DCTN5: variants seen among roughly 807,000 people sequenced by gnomAD.
The protein encoded by DCTN5 is dynactin subunit 5, also known as dynactin 4.
DCTN5 carries 14 observed loss-of-function variants against 23.5 expected under a neutral mutation model. The ratio of observed to expected loss-of-function variants is 0.60; its 90% CI spans 0.39 to 0.93. DCTN5 has a LOEUF of 0.93. DCTN5 is among the 40% of genes least tolerant of loss of function. DCTN5 has a pLI of 0.00. For synonymous variants in DCTN5, 67 were observed against 79.6 expected, an observed-to-expected ratio of 0.84 and a Z score of 0.84; for missense variants, 156 against 225.9, an observed-to-expected ratio of 0.69 and a Z score of 1.98.
rs111979266 is a variant in DCTN5, at chr16:23,676,193, G to GA, written c.*9063dup. ...CTGAATTGATGCCTCAGGTCAGGTT[G>GA]AAAAAAAAAAAAAAGGTTCAGACAG... is the stretch of plus-strand genomic sequence containing the variant. On this transcript the variant is annotated 3_prime_UTR_variant, in exon 6 of 6. Coordinates refer to ENST00000300087, the MANE Select transcript of DCTN5 (RefSeq NM_032486.4). 9,055 of 133,880 alleles carry GA rather than the reference G, an allele frequency of 0.068. 586 individuals carry two copies. Among genetic ancestry groups the GA allele is most frequent in the African/African-American group, 0.17 (6,197 of 36,692 alleles). The allele number at this position is 133,880 out of a possible 1,614,324, so 8.3% of individuals were successfully genotyped here. A position where few individuals can be genotyped will look rare whatever the true frequency, so the allele number is the denominator to read the frequency against.
chr16:23,666,285 A>C (rs1382407446), intron 5 of DCTN5, among the ~76,000 whole-genome samples: 2 of 152,204 alleles, frequency 1.3e-5, no homozygotes, highest in Admixed American at 6.5e-5. Context: ...ATGGCCCAGG[A>C]ATTCCCAGAC....
rs1479655086 is a variant in DCTN5 at position 23,672,754 on chromosome 16, G to C, written c.*5610G>C. On this transcript the variant is annotated 3_prime_UTR_variant, in exon 6 of 6. Coordinates refer to ENST00000300087, the MANE Select transcript of DCTN5 (RefSeq NM_032486.4). ...TGGCACATAGTAAATGCTTAATAAG[G>C]GTTCACTGTTAGTATTACTGTTACT... 6.6e-6 allele frequency: 1 copy of C among 152,130 alleles called. No individual in the cohort carries two copies. The highest frequency in any genetic ancestry group is 1.5e-5 in the Non-Finnish European group (1 of 68,034). 9.4% of individuals were successfully genotyped at this position (152,130 alleles called of 1,614,324 possible).
In DCTN5 at chr16:23,672,574, C is replaced by G. The variant is rs1334669221; in HGVS notation, c.*5430C>G. 6.6e-6 allele frequency: 1 copy of G among 152,236 alleles called. No individual in the cohort carries two copies. Among genetic ancestry groups the G allele is most frequent in the Admixed American group, 6.5e-5 (1 of 15,276 alleles). 9.4% of individuals were successfully genotyped at this position (152,236 alleles called of 1,614,324 possible). On this transcript the variant is annotated 3_prime_UTR_variant, in exon 6 of 6. Coordinates refer to ENST00000300087, the MANE Select transcript of DCTN5 (RefSeq NM_032486.4). ...TGGGATTTAGGACTTGCCAGACAAA[C>G]AAGGCCCAAGAGGCAAGTGTGCAGG... is the stretch of plus-strand genomic sequence containing the variant.
rs765637289 is a variant in DCTN5 at position 23,667,031 on chromosome 16, G to GT, written c.452-15dup. ...ACTTCTTCAAGCTCCTTAGAGCTGG[G>GT]TCTTTCTTTCCCCAGGACTCTTCTC... On this transcript the variant is annotated splice_polypyrimidine_tract_variant and intron_variant, in intron 5 of 5. Coordinates refer to ENST00000300087, the MANE Select transcript of DCTN5 (RefSeq NM_032486.4). The GT allele has an allele frequency of 7.4e-6, 12 of 1,613,580 alleles. No individual in the cohort carries two copies. In the Admixed American group the frequency reaches 2.0e-4, roughly 27 times the overall value.
intron 3 of DCTN5, among the ~76,000 whole-genome samples, chr16:23,659,904 A>G (rs963624862): frequency 1.3e-5 from 2 of 152,364 alleles, no homozygotes; most frequent in South Asian, 2.1e-4. Flanking sequence ...TGGGTTGGAT[A>G]TGGCACAGGA....
chr16:23,642,923 G>A, intron 1 of DCTN5, 32 bp from the exon 2 acceptor site: 1 of 1,602,500 alleles, frequency 6.2e-7, no homozygotes, highest in Admixed American at 1.7e-5. Flanking sequence ...TATTAAGTTT[G>A]CTTTCCCCGG....
chr16:23,641,488 AGACT>A lies in DCTN5; in HGVS notation c.-51_-48del. On this transcript the variant is annotated 5_prime_UTR_variant, in exon 1 of 6. Coordinates refer to ENST00000300087, the MANE Select transcript of DCTN5 (RefSeq NM_032486.4). The stretch of plus-strand genomic sequence containing the variant: ...GCCGGAAGTAGCCGGAATCTCTGAA[AGACT>A]GACCGACTGACTCTGACAGGATCCG... 3.1e-6 allele frequency: 5 copies of A among 1,610,306 alleles called. No homozygotes were observed. In the East Asian group the frequency reaches 8.9e-5, roughly 29 times the overall value.
At chr16:23,655,668 C>T (rs1014739195) in intron 2 of DCTN5, among the ~76,000 whole-genome samples, 1 of 152,116 alleles carries the variant, frequency 6.6e-6, no homozygotes, top group East Asian at 1.9e-4. Context: ...CCGCAGACTC[C>T]TGAGTAGCTG....
rs1341399948 is a variant in DCTN5, at chr16:23,668,699, T to G, written c.*1555T>G. The G allele has an allele frequency of 1.3e-5, 2 of 152,268 alleles. No homozygotes were observed. The highest frequency in any genetic ancestry group is 2.9e-5 in the Non-Finnish European group (2 of 68,060). The allele number at this position is 152,268 out of a possible 1,614,324, so 9.4% of individuals were successfully genotyped here. ...AGCAGACTCAACCAGGCCTCTTTGT[T>G]GGCTTCCTTTCCTCCTGCTGCACAT... On this transcript the variant is annotated 3_prime_UTR_variant, in exon 6 of 6. Coordinates refer to ENST00000300087, the MANE Select transcript of DCTN5 (RefSeq NM_032486.4).
chr16:23,666,890 C>T (rs768859488), intron 5 of DCTN5, 157 bp from the exon 6 acceptor site: 1 of 1,202,966 alleles, frequency 8.3e-7, no homozygotes, highest in Non-Finnish European at 1.1e-6. Flanking sequence ...AAAAGTTTAG[C>T]TGTTCTTAGC....
At chr16:23,663,449 C>T (rs1442537549) in intron 4 of DCTN5, among the ~76,000 whole-genome samples, 3 of 152,202 alleles carry the variant, frequency 2.0e-5, no homozygotes, top group Admixed American at 6.5e-5. Context: ...CGCAGTGGCT[C>T]ATGCCTGTAA....
rs149736104 is a variant in DCTN5 at position 23,665,606 on chromosome 16, T to C, written c.349-20T>C. 323 of 1,606,198 alleles carry C rather than the reference T, an allele frequency of 2.0e-4. No individual in the cohort carries two copies. In the African/African-American group the frequency reaches 3.7e-3, roughly 18 times the overall value. On this transcript the variant is annotated intron_variant, in intron 4 of 5. Coordinates refer to ENST00000300087, the MANE Select transcript of DCTN5 (RefSeq NM_032486.4). ...CACAGTAGACTGATCCATTTCCTAT[T>C]AACAAGATTTTAATTTCAGGGGCGC... is the stretch of plus-strand genomic sequence containing the variant.
intron 2 of DCTN5, among the ~76,000 whole-genome samples, chr16:23,652,738 A>G (rs1967628114): frequency 6.6e-6 from 1 of 152,260 alleles, no homozygotes; most frequent in African/African-American, 2.4e-5. Context: ...GAAGTTTCAT[A>G]TAATTAGAAT....
intron 5 of DCTN5, 22 bp downstream of exon 5, chr16:23,665,750 T>C: frequency 1.3e-6 from 2 of 1,589,770 alleles, no homozygotes; most frequent in Non-Finnish European, 1.7e-6. Context: ...TGTTGATTAA[T>C]TTTATTTTAA....
intron 2 of DCTN5, among the ~76,000 whole-genome samples, chr16:23,648,430 A>G (rs886844522): frequency 1.3e-5 from 2 of 149,418 alleles, no homozygotes; most frequent in African/African-American, 5.0e-5. Flanking sequence ...ACTCACTGCA[A>G]TCTCCACGTC....
At chr16:23,643,535 A>ACAGAAAACCTTTTTT (rs1967356464) in intron 2 of DCTN5, among the ~76,000 whole-genome samples, 1 of 152,072 alleles carries the variant, frequency 6.6e-6, no homozygotes, top group Non-Finnish European at 1.5e-5. Flanking sequence ...ATAAGAGGCA[A>ACAGAAAACCTTTTTT]CAGAAAACCT....
rs1597127240 is a variant in DCTN5 at position 23,667,516 on chromosome 16, T to C, written c.*372T>C. The C allele has an allele frequency of 9.3e-6, 2 of 215,520 alleles. No individual in the cohort carries two copies. Among genetic ancestry groups the C allele is most frequent in the South Asian group, 8.2e-5 (1 of 12,206 alleles). 13.4% of individuals were successfully genotyped at this position (215,520 alleles called of 1,614,324 possible). Reference sequence around the variant, plus strand: ...CAGCACCCTTCCGGTGTGGAGGCTATGTAGCTGGTGCGCTGCTCACGGCCA... The same window carrying C: ...CAGCACCCTTCCGGTGTGGAGGCTACGTAGCTGGTGCGCTGCTCACGGCCA... On this transcript the variant is annotated 3_prime_UTR_variant, in exon 6 of 6. Coordinates refer to ENST00000300087, the MANE Select transcript of DCTN5 (RefSeq NM_032486.4).
At chr16:23,657,293 A>C (rs888912979) in intron 2 of DCTN5, among the ~76,000 whole-genome samples, 1 of 152,168 alleles carries the variant, frequency 6.6e-6, no homozygotes, top group Non-Finnish European at 1.5e-5. Context: ...CCATCTCTAC[A>C]AAACATTTAA....
At position 23,668,634 on chromosome 16, in the gene DCTN5, TA is replaced by T; in HGVS notation, c.*1495del. 1 of 152,238 alleles carries T rather than the reference TA, an allele frequency of 6.6e-6. No homozygotes were observed. The highest frequency in any genetic ancestry group is 2.4e-5 in the African/African-American group (1 of 41,526). The allele number at this position is 152,238 out of a possible 1,614,324, so 9.4% of individuals were successfully genotyped here. A position where few individuals can be genotyped will look rare whatever the true frequency, so the allele number is the denominator to read the frequency against. On this transcript the variant is annotated 3_prime_UTR_variant, in exon 6 of 6. Coordinates refer to ENST00000300087, the MANE Select transcript of DCTN5 (RefSeq NM_032486.4). ...ACTCTGAGGAAGGAGATTCTGCTAGTAAAAAGGAGTGGGGGAAGAATGGCCA... is the reference window on the plus strand; with the variant it reads ...ACTCTGAGGAAGGAGATTCTGCTAGTAAAAGGAGTGGGGGAAGAATGGCCA...
Sources: allele counts gnomAD v4.1 joint callset (sites outside exome capture counted in the v4.1 genomes callset), GRCh38; gene constraint gnomAD v4.1.1; transcripts MANE v1.5; gene names NCBI Gene and HGNC (gene_info 2026-07-23, HGNC 2026-07-21).